Variants in PCGF3 observed in about 807,000 individuals in gnomAD.
The protein encoded by PCGF3 is polycomb group RING finger protein 3.
Under a neutral mutation model 33.1 loss-of-function variants are expected in PCGF3, and 7 were observed. That is an observed-to-expected ratio of 0.21 (90% CI 0.12 to 0.40). PCGF3 has a LOEUF of 0.40. PCGF3 is among the 10% of genes least tolerant of loss of function. The probability of loss-of-function intolerance (pLI) is 1.00; values close to 1 mark genes in which losing one functional copy is unlikely to be tolerated. For missense variants in PCGF3, 211 were observed against 313.3 expected, an observed-to-expected ratio of 0.67 and a Z score of 2.46; for synonymous variants, 153 against 121.3, an observed-to-expected ratio of 1.26 and a Z score of -1.72.
At chr4:763,708 G>A (rs988032507) in intron 9 of PCGF3, among the ~76,000 whole-genome samples, 4 of 152,242 alleles carry the variant, frequency 2.6e-5, no homozygotes, top group Admixed American at 6.5e-5. Flanking sequence ...GCCACACCTC[G>A]TCATTTACCC....
intron 9 of PCGF3, 40 bp downstream of exon 9, chr4:761,456 CTCT>C: frequency 3.9e-6 from 6 of 1,524,928 alleles, no homozygotes; most frequent in Non-Finnish European, 5.3e-6. Flanking sequence ...AACAAGTCCT[CTCT>C]TATTTCTAAA....
exon 11 of PCGF3, chr4:769,413 A>G (rs916791355): frequency 5.2e-5 from 8 of 152,720 alleles, no homozygotes; most frequent in African/African-American, 1.9e-4. Flanking sequence ...TAGTGCACAT[A>G]GCTAAATCAC....
intron 8 of PCGF3, among the ~76,000 whole-genome samples, chr4:752,140 C>T (rs1026294637): frequency 3.9e-5 from 6 of 152,260 alleles, no homozygotes; most frequent in Admixed American, 6.5e-5. Flanking sequence ...AGGTGAATGG[C>T]GTTTCCCACA....
At chr4:707,675 G>A (rs188485851) in intron 1 of PCGF3, among the ~76,000 whole-genome samples, 29 of 95,032 alleles carry the variant, frequency 3.1e-4, no homozygotes, top group African/African-American at 7.4e-4. Flanking sequence ...CGGGACCCTG[G>A]GACAGCTCTG....
At chr4:719,784 G>C (rs1292153019) in intron 1 of PCGF3, among the ~76,000 whole-genome samples, 1 of 152,194 alleles carries the variant, frequency 6.6e-6, no homozygotes, top group African/African-American at 2.4e-5. Flanking sequence ...GGAGGCATCC[G>C]GTGGTCTGGC....
intron 6 of PCGF3, among the ~76,000 whole-genome samples, chr4:738,715 C>T (rs552810003): frequency 7.4e-5 from 11 of 148,352 alleles, no homozygotes; most frequent in African/African-American, 2.7e-4. Context: ...AAAAATTAGT[C>T]GGGCGTGGTG....
intron 1 of PCGF3, among the ~76,000 whole-genome samples, chr4:712,152 TTATCAC>T (rs1349750626): frequency 6.6e-6 from 1 of 152,178 alleles, no homozygotes; most frequent in Non-Finnish European, 1.5e-5. Flanking sequence ...CATTGATAGT[TTATCAC>T]TGAATTTTAA....
At chr4:756,721 CCAT>C (rs781620038) in intron 8 of PCGF3, among the ~76,000 whole-genome samples, 9 of 152,110 alleles carry the variant, frequency 5.9e-5, no homozygotes, top group Non-Finnish European at 1.0e-4. Flanking sequence ...ACCACCACCA[CCAT>C]CATCTCCAGA....
intron 8 of PCGF3, among the ~76,000 whole-genome samples, chr4:760,303 C>T (rs888746228): frequency 3.3e-5 from 5 of 152,184 alleles, no homozygotes. Flanking sequence ...TCTCCCCTTT[C>T]TCTTAGCCTT....
chr4:754,088 C>G (rs1259373000), intron 8 of PCGF3, among the ~76,000 whole-genome samples: 1 of 152,194 alleles, frequency 6.6e-6, no homozygotes, highest in Non-Finnish European at 1.5e-5. Flanking sequence ...CTCTGCTCAT[C>G]TTCGCTCGTG....
In PCGF3 at chr4:751,527, C is replaced by G. The variant is rs1196341026; in HGVS notation, c.462+6839C>G. On this transcript the variant is annotated intron_variant, in intron 8 of 10. Transcript: ENST00000362003. ...CGGGCTGTGTGTTGTCCCCCTCACACCAGAGACAGTCGTTTCTTCTCTTAA... is the reference window on the plus strand; with the variant it reads ...CGGGCTGTGTGTTGTCCCCCTCACAGCAGAGACAGTCGTTTCTTCTCTTAA... Among the ~76,000 whole-genome samples the G allele has an allele frequency of 2.0e-5, 3 of 152,018 alleles. No homozygotes were observed. The East Asian group carries it at 5.8e-4, about 29-fold the overall frequency.
At chr4:764,230 G>T (rs985219011) in intron 9 of PCGF3, among the ~76,000 whole-genome samples, 14 of 152,222 alleles carry the variant, frequency 9.2e-5, no homozygotes, top group African/African-American at 3.4e-4. Flanking sequence ...TTCCAAGGGG[G>T]ACGGGAACTC....
intron 8 of PCGF3, among the ~76,000 whole-genome samples, chr4:758,654 C>T (rs1393202148): frequency 8.5e-5 from 9 of 106,352 alleles, no homozygotes; most frequent in Non-Finnish European, 1.8e-4. Context: ...AGTTCTTCTC[C>T]TTCCGGACTC....
chr4:709,054 C>T (rs7663102), intron 1 of PCGF3, among the ~76,000 whole-genome samples: 6,225 of 152,198 alleles, frequency 0.041, 184 homozygotes, highest in South Asian at 0.087. Context: ...TATTCAGAAG[C>T]GAGCGGTCTA....
At chr4:761,037 TTAA>T in intron 8 of PCGF3, among the ~76,000 whole-genome samples, 1 of 152,240 alleles carries the variant, frequency 6.6e-6, no homozygotes, top group Non-Finnish European at 1.5e-5. Context: ...AACTATTATG[TTAA>T]TAACACAGAA....
Position 735,623 on chromosome 4 carries a change from G to A in PCGF3, c.206+596G>A, listed in dbSNP as rs141196841. 3.3e-4 allele frequency among the ~76,000 whole-genome samples: 50 copies of A among 152,336 alleles called. No homozygotes were observed. In the East Asian group the frequency reaches 8.9e-3, roughly 27 times the overall value. On this transcript the variant is annotated intron_variant, in intron 5 of 10. Transcript: ENST00000362003. Reference sequence around the variant, plus strand: ...CCAAGTTGAATCTCATGAGTTTTACGCAGAATTTGCTGAAGTTAAATTTGA... The same window carrying A: ...CCAAGTTGAATCTCATGAGTTTTACACAGAATTTGCTGAAGTTAAATTTGA...
chr4:742,279 C>T (rs1744129123), intron 6 of PCGF3, among the ~76,000 whole-genome samples: 1 of 152,078 alleles, frequency 6.6e-6, no homozygotes, highest in Admixed American at 6.5e-5. Flanking sequence ...GCATCCTCCT[C>T]TCTGTCCAAG....
In PCGF3 at chr4:721,445, A is replaced by C. The variant is rs186819349; in HGVS notation, c.-189-9185A>C. ...CAGAGGAAGGCTGGGCTGGGCAGTC[A>C]GCCAGACGGGAAAGGGGGCTGAGGC... On this transcript the variant is annotated intron_variant, in intron 1 of 10. Transcript: ENST00000362003. This position sits in a 1 kb window ranked among gnomAD's most constrained non-coding sequence, Gnocchi z 4.1. 5.7e-3 allele frequency among the ~76,000 whole-genome samples: 868 copies of C among 152,282 alleles called. 10 individuals are homozygous for C. Among genetic ancestry groups the C allele is most frequent in the African/African-American group, 0.019 (800 of 41,550 alleles).
chr4:752,524 G>A (rs1744567517), intron 8 of PCGF3, among the ~76,000 whole-genome samples: 1 of 152,224 alleles, frequency 6.6e-6, no homozygotes, highest in Non-Finnish European at 1.5e-5. Flanking sequence ...GGCTTTGCGT[G>A]GGCATCCTGA....
Sources: allele counts gnomAD v4.1 joint callset (sites outside exome capture counted in the v4.1 genomes callset), GRCh38; gene constraint gnomAD v4.1.1; non-coding constraint Gnocchi (gnomAD v3.1); transcripts MANE v1.5; gene names NCBI Gene and HGNC (gene_info 2026-07-23, HGNC 2026-07-21).